Variants in PAX7 observed in about 807,000 individuals in gnomAD.
The protein encoded by PAX7 is paired box 7.
In PAX7, 18 loss-of-function variants were observed where a neutral mutation model predicts 50.7. The observed-to-expected ratio is 0.36, with a 90% CI of 0.25 to 0.53. The LOEUF (loss-of-function observed/expected upper bound fraction) is 0.53. Ranked by LOEUF, PAX7 falls within the 20% of genes least tolerant of loss-of-function variation. PAX7 has a pLI of 0.93. For missense variants in PAX7, 644 were observed against 702.9 expected, an observed-to-expected ratio of 0.92 and a Z score of 0.95; for synonymous variants, 310 against 290.4, an observed-to-expected ratio of 1.07 and a Z score of -0.69.
Position 18,693,823 on chromosome 1 carries a change from T to C in PAX7, c.786+1870T>C, listed in dbSNP as rs530710451. ...GCGGCCACGGCGGCTTCCCACCACC[T>C]TGAAGCCTGACTGCTCCTTGTAAAA... On this transcript the variant is annotated intron_variant, in intron 5 of 8. Coordinates refer to ENST00000420770, the MANE Select transcript of PAX7 (RefSeq NM_001135254.2). Among the ~76,000 whole-genome samples the C allele has an allele frequency of 2.6e-5, 4 of 152,346 alleles. No homozygotes were observed. The South Asian group carries it at 8.3e-4, about 32-fold the overall frequency.
chr1:18,681,164 T>TAAA (rs143668000), intron 4 of PAX7, among the ~76,000 whole-genome samples: 3 of 67,380 alleles, frequency 4.5e-5, no homozygotes, highest in African/African-American at 1.1e-4. Context: ...CAAAACTCCG[T>TAAA]AAAAAAAAAA....
chr1:18,707,407 T>TTTTC (rs149298596), intron 7 of PAX7, among the ~76,000 whole-genome samples: 1 of 116,722 alleles, frequency 8.6e-6, no homozygotes, highest in Non-Finnish European at 1.6e-5. Flanking sequence ...CCTTTTCTTT[T>TTTTC]TTTCTTTCTT....
At chr1:18,681,060 G>A (rs537239829) in intron 4 of PAX7, among the ~76,000 whole-genome samples, 177 of 150,898 alleles carry the variant, frequency 1.2e-3, no homozygotes, top group African/African-American at 4.1e-3. Flanking sequence ...CCAGCTACTC[G>A]GAAGGCTGAG....
chr1:18,634,256 C>A lies in PAX7; in HGVS notation c.86-47C>A. On this transcript the variant is annotated intron_variant, in intron 1 of 8. Transcript: ENST00000420770. This position sits in a 1 kb window ranked among gnomAD's most constrained non-coding sequence, Gnocchi z 4.0. ...AGTGTACTCAGTGTCTGCTCTCCAT[C>A]CTCACCCTGCACCTCTCTCCTTCTG... 6.7e-7 allele frequency: 1 copy of A among 1,491,920 alleles called. No homozygotes were observed. Among genetic ancestry groups the A allele is most frequent in the Non-Finnish European group, 9.2e-7 (1 of 1,081,974 alleles). The allele number at this position is 1,491,920 out of a possible 1,614,324, so 92.4% of individuals were successfully genotyped here. A position where few individuals can be genotyped will look rare whatever the true frequency, so the allele number is the denominator to read the frequency against.
At chr1:18,731,643 C>T (rs942437221) in intron 7 of PAX7, among the ~76,000 whole-genome samples, 9 of 152,112 alleles carry the variant, frequency 5.9e-5, no homozygotes, top group Admixed American at 1.3e-4. Context: ...TTAGCTTAGA[C>T]GCTGCCCTGC....
At chr1:18,733,540 G>GTCTGAGC (rs1293810142) in intron 7 of PAX7, among the ~76,000 whole-genome samples, 1 of 152,166 alleles carries the variant, frequency 6.6e-6, no homozygotes, top group Non-Finnish European at 1.5e-5. Context: ...GTCTCAGCTG[G>GTCTGAGC]TCTGAGCTCT....
rs995285956 is a variant in PAX7 at position 18,746,298 on chromosome 1, A to T, written c.*1369A>T. ...GGCAGATGTGACCAGTTTTCAAGCT[A>T]CCAGCCCTGGGCAGAGGAAGATGTC... On this transcript the variant is annotated 3_prime_UTR_variant, in exon 9 of 9. Transcript: ENST00000420770. 8.7e-6 allele frequency: 2 copies of T among 229,774 alleles called. No individual in the cohort carries two copies. The highest frequency in any genetic ancestry group is 1.7e-5 in the Non-Finnish European group (2 of 115,966). 14.2% of individuals were successfully genotyped at this position (229,774 alleles called of 1,614,324 possible).
At chr1:18,692,994 G>A (rs2089097011) in intron 5 of PAX7, among the ~76,000 whole-genome samples, 1 of 152,172 alleles carries the variant, frequency 6.6e-6, no homozygotes, top group Non-Finnish European at 1.5e-5. Context: ...TGTTCTCCAA[G>A]TGCAGGAGCC....
chr1:18,712,024 G>A (rs540227535), intron 7 of PAX7, among the ~76,000 whole-genome samples: 3 of 152,280 alleles, frequency 2.0e-5, no homozygotes, highest in African/African-American at 7.2e-5. Context: ...CTGCTCATCA[G>A]GCAGCCCCCA....
At chr1:18,637,365 C>T (rs919756070) in intron 4 of PAX7, among the ~76,000 whole-genome samples, 6 of 147,876 alleles carry the variant, frequency 4.1e-5, no homozygotes, top group Admixed American at 1.4e-4. Flanking sequence ...AATGGAAGAC[C>T]CAGAGTCACA....
At chr1:18,651,005 GCC>G (rs1351555881) in intron 4 of PAX7, among the ~76,000 whole-genome samples, 1 of 152,110 alleles carries the variant, frequency 6.6e-6, no homozygotes, top group Non-Finnish European at 1.5e-5. Context: ...TGGGCTCTGA[GCC>G]CTTATATCCA....
chr1:18,656,648 T>C (rs955753188), intron 4 of PAX7, among the ~76,000 whole-genome samples: 4 of 152,016 alleles, frequency 2.6e-5, no homozygotes, highest in African/African-American at 9.7e-5. Context: ...TTTCCCTGAG[T>C]TTTAGTTTCC....
chr1:18,686,345 T>C (rs558161390), intron 4 of PAX7, among the ~76,000 whole-genome samples: 1 of 152,322 alleles, frequency 6.6e-6, no homozygotes, highest in South Asian at 2.1e-4. Flanking sequence ...CCTTCTCTTT[T>C]GGGGCAATCT....
intron 4 of PAX7, among the ~76,000 whole-genome samples, chr1:18,660,392 T>C (rs1337709524): frequency 6.6e-6 from 1 of 152,140 alleles, no homozygotes; most frequent in African/African-American, 2.4e-5. Flanking sequence ...TTTTCTGGCT[T>C]AAGGACAAAA....
At chr1:18,675,037 C>T (rs947420932) in intron 4 of PAX7, among the ~76,000 whole-genome samples, 8 of 152,148 alleles carry the variant, frequency 5.3e-5, no homozygotes, top group Non-Finnish European at 1.0e-4. Context: ...TCATTGGCTT[C>T]GGTGTCTGCC....
At chr1:18,639,350 G>T (rs2088211049) in intron 4 of PAX7, among the ~76,000 whole-genome samples, 1 of 151,960 alleles carries the variant, frequency 6.6e-6, no homozygotes, top group African/African-American at 2.4e-5. Flanking sequence ...TCTCTGAACA[G>T]CTCACTCCTG....
At chr1:18,669,946 T>C (rs996159711) in intron 4 of PAX7, among the ~76,000 whole-genome samples, 6 of 151,838 alleles carry the variant, frequency 4.0e-5, no homozygotes, top group Non-Finnish European at 5.9e-5. Context: ...TAGCTGGGCG[T>C]GGTGGCACGT....
At chr1:18,661,409 T>C (rs2088598000) in intron 4 of PAX7, among the ~76,000 whole-genome samples, 1 of 152,138 alleles carries the variant, frequency 6.6e-6, no homozygotes, top group Non-Finnish European at 1.5e-5. Flanking sequence ...TGTGTCCACG[T>C]CTCTTGGATT....
chr1:18,711,961 T>C (rs1289098148), intron 7 of PAX7, among the ~76,000 whole-genome samples: 1 of 152,080 alleles, frequency 6.6e-6, no homozygotes, highest in Non-Finnish European at 1.5e-5. Flanking sequence ...CCAAACCACA[T>C]CCACCAGCCC....
Sources: gnomAD v4.1 joint callset for allele counts (sites outside exome capture counted in the v4.1 genomes callset) on GRCh38, gnomAD v4.1.1 for gene constraint, Gnocchi (gnomAD v3.1) non-coding constraint, MANE v1.5 for transcripts, NCBI Gene and HGNC (gene_info 2026-07-23, HGNC 2026-07-21) for gene names.